The following N4BP2L2 variants were observed in gnomAD, a reference collection of about 807,000 sequenced individuals.
The protein encoded by N4BP2L2 is NEDD4 binding protein 2 like 2.
In N4BP2L2, 50 loss-of-function variants were observed where a neutral mutation model predicts 56.2. The observed-to-expected ratio is 0.89, with a 90% confidence interval of 0.71 to 1.13. The LOEUF (loss-of-function observed/expected upper bound fraction) is 1.13. N4BP2L2 is among the 50% of genes most tolerant of loss of function. N4BP2L2 has a pLI of 0.00. For synonymous variants in N4BP2L2, 203 were observed against 223.6 expected, an observed-to-expected ratio of 0.91 and a Z score of 0.82; for missense variants, 689 against 693.8, an observed-to-expected ratio of 0.99 and a Z score of 0.08.
intron 6 of N4BP2L2, chr13:32,504,912 T>C (rs1292296856): frequency 2.6e-5 from 4 of 152,264 alleles, no homozygotes. Context: ...TGATGGATCC[T>C]AAGCAGGTCT....
At chr13:32,438,608 A>T in intron 8 of N4BP2L2, 1 of 1,475,438 alleles carries the variant, frequency 6.8e-7, no homozygotes, top group Non-Finnish European at 9.3e-7. Context: ...TCAAACAACA[A>T]CAACAACAAA....
At chr13:32,436,324 T>C (rs953443529) in intron 9 of N4BP2L2, 3 of 976,774 alleles carry the variant, frequency 3.1e-6, no homozygotes. Flanking sequence ...AACTATTTTA[T>C]GATCAAACAG....
intron 3 of N4BP2L2, chr13:32,523,834 G>C (rs1397494650): frequency 3.3e-5 from 5 of 152,150 alleles, no homozygotes; most frequent in African/African-American, 9.7e-5. Flanking sequence ...GGGAGTGAGG[G>C]ATAAAAGACT....
intron 6 of N4BP2L2, among the ~76,000 whole-genome samples, chr13:32,447,853 T>G (rs182548565): frequency 6.6e-6 from 1 of 152,212 alleles, no homozygotes; most frequent in East Asian, 1.9e-4. Context: ...CTGCTAATGC[T>G]AACAACCCAC....
chr13:32,535,922 C>T (rs1434088425), exon 2 of N4BP2L2: 2 of 1,614,130 alleles, frequency 1.2e-6, no homozygotes, highest in Admixed American at 1.7e-5. Context: ...GCATCTTTCT[C>T]TGACTTCACA....
intron 6 of N4BP2L2, among the ~76,000 whole-genome samples, chr13:32,498,638 G>A (rs1310528382): frequency 6.6e-6 from 1 of 151,440 alleles, no homozygotes; most frequent in Non-Finnish European, 1.5e-5. Flanking sequence ...CACCACACCC[G>A]GACCTAGTAA....
downstream of N4BP2L2, chr13:32,506,143 G>A (rs898495995): frequency 3.9e-5 from 6 of 152,188 alleles, no homozygotes; most frequent in Non-Finnish European, 5.9e-5. Flanking sequence ...TTCTTCTAAA[G>A]CCTGTAGATC....
chr13:32,448,857 T>C (rs1209606482), intron 6 of N4BP2L2, among the ~76,000 whole-genome samples: 1 of 152,228 alleles, frequency 6.6e-6, no homozygotes, highest in Non-Finnish European at 1.5e-5. Flanking sequence ...CTTTCTGGAA[T>C]GACCAGTTGA....
intron 5 of N4BP2L2, among the ~76,000 whole-genome samples, chr13:32,520,775 A>C (rs1423818525): frequency 6.6e-6 from 1 of 152,202 alleles, no homozygotes; most frequent in Non-Finnish European, 1.5e-5. Context: ...ATAGAAGTTC[A>C]CAATCTCTCA....
chr13:32,479,741 G>T (rs1471103436), intron 6 of N4BP2L2, among the ~76,000 whole-genome samples: 1 of 151,758 alleles, frequency 6.6e-6, no homozygotes, highest in African/African-American at 2.4e-5. Flanking sequence ...TTAGTAAATG[G>T]AAAAAGACAT....
At chr13:32,503,228 C>T (rs186829733) in intron 6 of N4BP2L2, among the ~76,000 whole-genome samples, 113 of 143,882 alleles carry the variant, frequency 7.9e-4, no homozygotes, top group African/African-American at 2.8e-3. Context: ...CCTCAAAACA[C>T]GGAACACAGT....
At chr13:32,473,738 T>C (rs548463809) in intron 6 of N4BP2L2, among the ~76,000 whole-genome samples, 2 of 152,322 alleles carry the variant, frequency 1.3e-5, no homozygotes, top group African/African-American at 2.4e-5. Context: ...AGCAACACTG[T>C]CTCTCTCTGT....
exon 2 of N4BP2L2, chr13:32,536,003 T>C (rs2056457415): frequency 6.2e-7 from 1 of 1,613,932 alleles, no homozygotes; most frequent in Non-Finnish European, 8.5e-7. Context: ...ACTCCTATTC[T>C]CACTACAGTC....
chr13:32,478,109 T>C lies in N4BP2L2; in HGVS notation c.366-33983A>G, dbSNP rs553512241. The C allele has an allele frequency of 4.0e-6, 5 of 1,237,846 alleles. No homozygotes were observed. In the African/African-American group the frequency reaches 7.7e-5, roughly 19 times the overall value. The allele number at this position is 1,237,846 out of a possible 1,614,324, so 76.7% of individuals were successfully genotyped here. ...TTATACACTGGAATGAAGATATGCA[T>C]TATAAAGTAAATAACGTCTACGCCA... On this transcript the variant is annotated intron_variant, in intron 6 of 9. Coordinates refer to the N4BP2L2 transcript ENST00000357505.
chr13:32,536,020 T>C (rs1203242433), exon 2 of N4BP2L2: 1 of 1,614,010 alleles, frequency 6.2e-7, no homozygotes, highest in Non-Finnish European at 8.5e-7. Flanking sequence ...AGTCAGTATA[T>C]TCATTGTTCT....
intron 6 of N4BP2L2, among the ~76,000 whole-genome samples, chr13:32,482,360 A>T (rs992399365): frequency 6.6e-6 from 1 of 152,118 alleles, no homozygotes; most frequent in African/African-American, 2.4e-5. Flanking sequence ...TAAACTGATT[A>T]CTTGTAATTA....
chr13:32,511,131 C>A (rs1222041531), exon 6 of N4BP2L2: 1 of 152,092 alleles, frequency 6.6e-6, no homozygotes, highest in Non-Finnish European at 1.5e-5. Context: ...CTTTCTAAAG[C>A]CATTGTAGAA....
At chr13:32,522,266 T>C in exon 4 of N4BP2L2, 4 of 1,513,450 alleles carry the variant, frequency 2.6e-6, no homozygotes, top group Non-Finnish European at 2.7e-6. Context: ...CGATAGCTTG[T>C]TTTGCTGAAA....
chr13:32,437,338 G>T (rs1466536404), intron 8 of N4BP2L2, among the ~76,000 whole-genome samples: 4 of 152,194 alleles, frequency 2.6e-5, no homozygotes, highest in African/African-American at 9.6e-5. Flanking sequence ...AGTCTACTTT[G>T]CCCATAGAGG....
Sources: allele counts gnomAD v4.1 joint callset (sites outside exome capture counted in the v4.1 genomes callset), GRCh38; gene constraint gnomAD v4.1.1; transcripts MANE v1.5; gene names NCBI Gene and HGNC (gene_info 2026-07-23, HGNC 2026-07-21).